MIS18A: variants seen among roughly 807,000 people sequenced by gnomAD.
MIS18A encodes the protein protein Mis18-alpha.
A neutral mutation model predicts 25.0 loss-of-function variants in MIS18A; 14 were observed. The ratio of observed to expected loss-of-function variants is 0.56; its 90% confidence interval spans 0.37 to 0.88. The LOEUF (loss-of-function observed/expected upper bound fraction) is 0.88, where lower values mean the gene tolerates loss of function less well. Among genes scored for constraint, MIS18A ranks in the 40% least tolerant of loss-of-function variants. The pLI is 0.00. For missense variants in MIS18A, 292 were observed against 290.8 expected (o/e 1.00, Z -0.03); for synonymous variants, 134 against 118.6 (o/e 1.13, Z -0.84).
At chr21:32,201,960 T>G in the MIS18A span, among the ~76,000 whole-genome samples, 158 of 152,154 alleles carry the variant, frequency 1.0e-3, 1 homozygote, top group Middle Eastern at 6.8e-3. Flanking sequence ...CCATCAAAAT[T>G]AAAGGCATAT....
the MIS18A span, among the ~76,000 whole-genome samples, chr21:32,201,498 C>T: frequency 6.6e-6 from 1 of 152,120 alleles, no homozygotes; most frequent in Non-Finnish European, 1.5e-5. Flanking sequence ...AGTTGTCCCC[C>T]AAGGCTACAA....
the MIS18A span, among the ~76,000 whole-genome samples, chr21:32,174,163 C>T: frequency 1.3e-5 from 2 of 151,720 alleles, no homozygotes; most frequent in Middle Eastern, 3.2e-3. Context: ...CGGGGTTTCA[C>T]CATGTTGGTC....
chr21:32,214,707 GA>G, the MIS18A span, among the ~76,000 whole-genome samples: 1 of 152,196 alleles, frequency 6.6e-6, no homozygotes, highest in Middle Eastern at 3.2e-3. Context: ...CAAGGATACA[GA>G]AATAACAGCA....
the MIS18A span, among the ~76,000 whole-genome samples, chr21:32,259,112 G>T: frequency 6.6e-6 from 1 of 152,062 alleles, no homozygotes; most frequent in Non-Finnish European, 1.5e-5. Context: ...AGACTCAAGC[G>T]ATCCTCCTGC....
At chr21:32,245,636 C>T in the MIS18A span, among the ~76,000 whole-genome samples, 1 of 152,158 alleles carries the variant, frequency 6.6e-6, no homozygotes, top group East Asian at 1.9e-4. Flanking sequence ...CAAGGTTAAG[C>T]CATCAGTGTC....
chr21:32,199,097 C>CTAA, the MIS18A span, among the ~76,000 whole-genome samples: 18 of 152,036 alleles, frequency 1.2e-4, no homozygotes, highest in Non-Finnish European at 2.4e-4. Context: ...TGGGGTCAGG[C>CTAA]TAAAGTAGGC....
At chr21:32,263,055 T>C in the MIS18A span, among the ~76,000 whole-genome samples, 3 of 152,298 alleles carry the variant, frequency 2.0e-5, no homozygotes, top group East Asian at 3.9e-4. Context: ...AAAAAATTAA[T>C]GATCAATACC....
At chr21:32,180,354 A>G in the MIS18A span, among the ~76,000 whole-genome samples, 1 of 152,194 alleles carries the variant, frequency 6.6e-6, no homozygotes, top group Non-Finnish European at 1.5e-5. Flanking sequence ...CTCTGCTGCC[A>G]GACCCCATTA....
At chr21:32,158,100 T>C in the MIS18A span, among the ~76,000 whole-genome samples, 283 of 152,322 alleles carry the variant, frequency 1.9e-3, 2 homozygotes, top group Non-Finnish European at 3.0e-3. Context: ...TAGCGAAATA[T>C]CACTTCCACA....
the MIS18A span, among the ~76,000 whole-genome samples, chr21:32,212,201 C>T: frequency 1.3e-5 from 2 of 152,242 alleles, no homozygotes; most frequent in South Asian, 2.1e-4. Context: ...TGGGTGGCTT[C>T]CTCTTACGTA....
At chr21:32,265,988 T>C (rs553644202), downstream of MIS18A, among the ~76,000 whole-genome samples, 54 of 152,110 alleles carry the variant, frequency 3.6e-4, no homozygotes, top group East Asian at 0.01. Flanking sequence ...CACCCTGTGT[T>C]TAGCTCAAGG....
At chr21:32,225,254 G>T in the MIS18A span, among the ~76,000 whole-genome samples, 1 of 112,094 alleles carries the variant, frequency 8.9e-6, no homozygotes, top group Non-Finnish European at 1.7e-5. Context: ...AAAAGCAATG[G>T]CAACAAAAGA....
chr21:32,233,081 A>G, the MIS18A span, among the ~76,000 whole-genome samples: 1 of 152,236 alleles, frequency 6.6e-6, no homozygotes, highest in East Asian at 1.9e-4. Context: ...ATAATTGTCC[A>G]GTTTACAAAA....
the MIS18A span, among the ~76,000 whole-genome samples, chr21:32,214,394 G>A: frequency 6.6e-6 from 1 of 152,150 alleles, no homozygotes; most frequent in Admixed American, 6.5e-5. Flanking sequence ...GCGAGAGCTG[G>A]GATGCAGACG....
At chr21:32,155,946 T>C in the MIS18A span, among the ~76,000 whole-genome samples, 11 of 107,726 alleles carry the variant, frequency 1.0e-4, no homozygotes, top group African/African-American at 3.6e-4. Context: ...TGTCACCAAT[T>C]GTTAGGAAAA....
the MIS18A span, among the ~76,000 whole-genome samples, chr21:32,241,685 C>T: frequency 1.3e-5 from 2 of 152,194 alleles, no homozygotes; most frequent in African/African-American, 2.4e-5. Context: ...TCTTTCCTCC[C>T]CTGGCAGGTG....
chr21:32,242,976 G>T, the MIS18A span, among the ~76,000 whole-genome samples: 1 of 152,194 alleles, frequency 6.6e-6, no homozygotes, highest in Non-Finnish European at 1.5e-5. Context: ...AGAACCAACT[G>T]ATTCTTGACA....
chr21:32,157,881 G>A, the MIS18A span, among the ~76,000 whole-genome samples: 14,446 of 152,138 alleles, frequency 0.095, 951 homozygotes, highest in African/African-American at 0.18. Context: ...CAAATTTCCA[G>A]TGGGGGAAAA....
At chr21:32,255,868 G>GT in the MIS18A span, among the ~76,000 whole-genome samples, 4 of 151,260 alleles carry the variant, frequency 2.6e-5, no homozygotes, top group Non-Finnish European at 5.9e-5. Flanking sequence ...TCCAGCCTGG[G>GT]TGACAGAGCG....
Sources: allele counts gnomAD v4.1 joint callset (sites outside exome capture counted in the v4.1 genomes callset), GRCh38; gene constraint gnomAD v4.1.1; transcripts MANE v1.5; gene names NCBI Gene and HGNC (gene_info 2026-07-23, HGNC 2026-07-21).